Variants in HFM1 observed in about 807,000 individuals in gnomAD.
HFM1 encodes the protein probable ATP-dependent DNA helicase HFM1.
HFM1 carries 169 observed loss-of-function variants against 192.1 expected under a neutral mutation model. The observed-to-expected ratio is 0.88, with a 90% CI of 0.78 to 1.00. The LOEUF is 1.00. Ranked by LOEUF, HFM1 falls within the 50% of genes least tolerant of loss-of-function variation. The probability of loss-of-function intolerance (pLI) is 0.00; values close to 1 mark genes in which losing one functional copy is unlikely to be tolerated. For missense variants in HFM1, 1,661 were observed against 1,668.0 expected (o/e 1.00, Z 0.07); for synonymous variants, 525 against 537.8 (o/e 0.98, Z 0.33).
At chr1:91,329,602 C>G in intron 20 of HFM1, 5 of 972,434 alleles carry the variant, frequency 5.1e-6, no homozygotes, top group South Asian at 1.7e-5. Context: ...GAAACCTTCA[C>G]AGGGGTGGAG....
In HFM1 at chr1:91,343,432, G is replaced by A. The variant is rs1406081854; in HGVS notation, c.2333C>T (p.Thr778Ile). The change falls in exon 20 of 39, where the codon ACT becomes ATT. Residue 778 changes from threonine to isoleucine, a missense_variant and splice_region_variant. Physicochemically the swap from Thr to Ile is moderately conservative, Grantham distance 89. Transcript: ENST00000370425. Reference protein sequence around the residue: ...KMDEGVNFKPTEAGRLMAWYY... With the variant: ...KMDEGVNFKPIEAGRLMAWYY... ...TACTGACAATGATAAGAAATTACCAGTTGGTTTGAAATTAACACCTTCATC... is the reference window on the plus strand; with the variant it reads ...TACTGACAATGATAAGAAATTACCAATTGGTTTGAAATTAACACCTTCATC... 2 of 1,352,146 alleles carry A rather than the reference G, an allele frequency of 1.5e-6. No homozygotes were observed. The highest frequency in any genetic ancestry group is 1.5e-5 in the African/African-American group (1 of 68,078). The allele number at this position is 1,352,146 out of a possible 1,614,324, so 83.8% of individuals were successfully genotyped here.
chr1:91,262,379 T>C lies in HFM1; in HGVS notation c.4100A>G (p.Glu1367Gly), dbSNP rs904090001. ...AGNAVIVHFQ[E>G]RKPQNLSPEI... ...TGGTGACAGATTTTGTGGTTTTCTTTCTTGAAAATGGACCTACATTTGAGA... is the reference window on the plus strand; with the variant it reads ...TGGTGACAGATTTTGTGGTTTTCTTCCTTGAAAATGGACCTACATTTGAGA... Residue 1367 changes from glutamate (E) to glycine (G), a missense_variant, in exon 38 of 39, where the codon GAA (glutamate) becomes GGA (glycine). Transcript: ENST00000370425. 12 of 1,575,906 alleles carry C rather than the reference T, an allele frequency of 7.6e-6. No homozygotes were observed. Among genetic ancestry groups the C allele is most frequent in the Non-Finnish European group, 9.5e-6 (11 of 1,161,366 alleles).
intron 30 of HFM1, among the ~76,000 whole-genome samples, chr1:91,291,717 C>G (rs1267593986): frequency 6.6e-6 from 1 of 151,902 alleles, no homozygotes; most frequent in African/African-American, 2.4e-5. Flanking sequence ...CCAGCATCAT[C>G]CTGATACCAA....
In HFM1 at chr1:91,262,398, T is replaced by A; in HGVS notation, c.4087-6A>T. ...TTTCTTTCTTGAAAATGGACCTACATTTGAGATAAAAAATAACAATCATTG... is the reference window on the plus strand; with the variant it reads ...TTTCTTTCTTGAAAATGGACCTACAATTGAGATAAAAAATAACAATCATTG... On this transcript the variant is annotated splice_region_variant and splice_polypyrimidine_tract_variant and intron_variant, in intron 37 of 38. Transcript: ENST00000370425. 1 of 1,583,528 alleles carries A rather than the reference T, an allele frequency of 6.3e-7. No individual in the cohort carries two copies. The highest frequency in any genetic ancestry group is 2.3e-5 in the East Asian group (1 of 44,202).
rs188119021 is a variant in HFM1, at chr1:91,277,117, T to G, written c.3392-55A>C. 7.9e-4 allele frequency: 692 copies of G among 875,672 alleles called. 5 individuals are homozygous for G. In the African/African-American group the frequency reaches 0.011, roughly 13 times the overall value. The allele number at this position is 875,672 out of a possible 1,614,324, so 54.2% of individuals were successfully genotyped here. ...TTGTCACTACATTTATTATTGTTAA[T>G]TTAATATAATTAATTTTTATCCAGT... On this transcript the variant is annotated intron_variant, in intron 30 of 38. Coordinates refer to ENST00000370425, the MANE Select transcript of HFM1 (RefSeq NM_001017975.6).
chr1:91,300,425 C>T (rs535557660), intron 30 of HFM1, among the ~76,000 whole-genome samples: 3,887 of 152,216 alleles, frequency 0.026, 72 homozygotes, highest in African/African-American at 0.033. Context: ...TCCTCCCTAA[C>T]TCATTTTATG....
intron 4 of HFM1, among the ~76,000 whole-genome samples, chr1:91,389,822 A>C (rs1230291382): frequency 6.6e-6 from 1 of 152,218 alleles, no homozygotes; most frequent in Non-Finnish European, 1.5e-5. Context: ...GAAAATAACA[A>C]GTACTGGACA....
At chr1:91,302,335 G>A (rs1011043756) in intron 30 of HFM1, among the ~76,000 whole-genome samples, 1 of 151,910 alleles carries the variant, frequency 6.6e-6, no homozygotes, top group African/African-American at 2.4e-5. Context: ...GCTGTTGGTG[G>A]GACTGTAAAC....
At chr1:91,275,464 G>A (rs1338296033) in intron 32 of HFM1, among the ~76,000 whole-genome samples, 7 of 152,166 alleles carry the variant, frequency 4.6e-5, no homozygotes, top group Non-Finnish European at 1.0e-4. Context: ...GCTGTCTGTA[G>A]GACATCCTTA....
At chr1:91,350,438 GTAAC>G (rs1424171663) in intron 18 of HFM1, among the ~76,000 whole-genome samples, 1 of 152,046 alleles carries the variant, frequency 6.6e-6, no homozygotes, top group Admixed American at 6.6e-5. Flanking sequence ...AAAACTTTTT[GTAAC>G]TAACTTATTT....
intron 13 of HFM1, among the ~76,000 whole-genome samples, chr1:91,375,081 G>T (rs915152786): frequency 6.6e-6 from 1 of 152,050 alleles, no homozygotes; most frequent in Non-Finnish European, 1.5e-5. Flanking sequence ...TAATTCGCAA[G>T]ATCAGCTTTA....
chr1:91,331,790 G>A (rs1005560020), intron 20 of HFM1, among the ~76,000 whole-genome samples: 2 of 152,196 alleles, frequency 1.3e-5, no homozygotes, highest in Admixed American at 6.5e-5. Flanking sequence ...CAGCTACTCA[G>A]GAGGCTGAGG....
In HFM1 at chr1:91,375,442, C is replaced by G; in HGVS notation, c.1601G>C (p.Cys534Ser). The part of the protein sequence containing the change: ...YSDQKPTLVF[C>S]ATRKGVQQAA... Reference sequence around the variant, plus strand: ...CTGTTGCACACCCTTCCTTGTTGCACAAAACTGAAAATAAATTCATAACGT... The same window carrying G: ...CTGTTGCACACCCTTCCTTGTTGCAGAAAACTGAAAATAAATTCATAACGT... The change falls in exon 13 of 39, where the codon TGT becomes TCT. Residue 534 changes from cysteine (C) to serine (S), a missense_variant. Physicochemically the swap from Cys to Ser is moderately radical, Grantham distance 112. Coordinates refer to ENST00000370425, the MANE Select transcript of HFM1 (RefSeq NM_001017975.6). The G allele has an allele frequency of 6.2e-7, 1 of 1,612,808 alleles. No homozygotes were observed. The highest frequency in any genetic ancestry group is 8.5e-7 in the Non-Finnish European group (1 of 1,179,280).
intron 11 of HFM1, 86 bp downstream of exon 11, chr1:91,377,939 A>G: frequency 7.9e-7 from 1 of 1,258,558 alleles, no homozygotes; most frequent in Non-Finnish European, 1.1e-6. Flanking sequence ...AAAGGACAAA[A>G]AAATTCACTT....
At chr1:91,299,819 A>G (rs1234570415) in intron 30 of HFM1, among the ~76,000 whole-genome samples, 12 of 152,224 alleles carry the variant, frequency 7.9e-5, no homozygotes, top group Admixed American at 7.9e-4. Context: ...CTAAATGCCC[A>G]CAAGAAAAAG....
intron 20 of HFM1, chr1:91,329,470 A>T (rs1653475552): frequency 6.4e-7 from 1 of 1,566,338 alleles, no homozygotes; most frequent in African/African-American, 1.4e-5. Flanking sequence ...GGATCCACTA[A>T]GAAGAAGGCA....
chr1:91,378,099 T>A lies in HFM1; in HGVS notation c.1321A>T (p.Thr441Ser), dbSNP rs371806710. 6.2e-7 allele frequency: 1 copy of A among 1,612,056 alleles called. No individual in the cohort carries two copies. ...RMKTVQSVSQ[T>S]LKNTSTAIPM... The stretch of plus-strand genomic sequence containing the variant: ...ATAGCAGTGCTGGTATTTTTTAAAG[T>A]CTGAGAAACAGACTGTACAGTTTTC... Residue 441 changes from threonine (T) to serine (S), a missense_variant, in exon 11 of 39, where the codon ACT becomes TCT. Thr to Ser is a moderately conservative substitution (Grantham distance 58). Coordinates refer to ENST00000370425, the MANE Select transcript of HFM1 (RefSeq NM_001017975.6).
intron 33 of HFM1, among the ~76,000 whole-genome samples, chr1:91,274,289 C>T (rs1310521923): frequency 1.3e-5 from 2 of 151,754 alleles, no homozygotes; most frequent in African/African-American, 2.4e-5. Context: ...ATTTTATGGG[C>T]CATGTTGTTG....
chr1:91,376,411 G>C (rs373087380), intron 11 of HFM1, among the ~76,000 whole-genome samples: 30 of 152,048 alleles, frequency 2.0e-4, no homozygotes, highest in African/African-American at 5.8e-4. Context: ...AGACAGAGGG[G>C]AGCAGAAGGC....
Sources: allele counts gnomAD v4.1 joint callset (sites outside exome capture counted in the v4.1 genomes callset), GRCh38; gene constraint gnomAD v4.1.1; transcripts MANE v1.5; gene names NCBI Gene and HGNC (gene_info 2026-07-23, HGNC 2026-07-21).